ZNF224: variants seen among roughly 807,000 people sequenced by gnomAD.
ZNF224 encodes the protein zinc finger protein 224, also known as bone marrow zinc finger 2.
In ZNF224, 8 loss-of-function variants were observed where a neutral mutation model predicts 10.5. The observed-to-expected ratio is 0.76, with a 90% confidence interval of 0.45 to 1.37. ZNF224 has a LOEUF of 1.37. Ranked by LOEUF, ZNF224 falls within the 40% of genes most tolerant of loss-of-function variation. The pLI is 0.00. For missense variants in ZNF224, 754 were observed against 854.0 expected (o/e 0.88, Z 1.46); for synonymous variants, 282 against 287.8 (o/e 0.98, Z 0.20).
chr19:44,098,175 T>C (rs1967479186), intron 3 of ZNF224, among the ~76,000 whole-genome samples: 2 of 152,250 alleles, frequency 1.3e-5, no homozygotes, highest in South Asian at 2.1e-4. Flanking sequence ...TGTGATACTC[T>C]TCCTCATGTG....
At chr19:44,100,013 C>G (rs1023232609) in intron 3 of ZNF224, among the ~76,000 whole-genome samples, 2 of 152,092 alleles carry the variant, frequency 1.3e-5, no homozygotes, top group South Asian at 2.1e-4. Context: ...CCATGGAACA[C>G]TATGCAGACA....
At chr19:44,100,308 T>C (rs932347753) in intron 3 of ZNF224, among the ~76,000 whole-genome samples, 2 of 152,162 alleles carry the variant, frequency 1.3e-5, no homozygotes, top group African/African-American at 4.8e-5. Flanking sequence ...AGTTTTTGCC[T>C]GGAGAGTATA....
At chr19:44,103,548 T>C (rs1174635981) in intron 5 of ZNF224, among the ~76,000 whole-genome samples, 1 of 152,232 alleles carries the variant, frequency 6.6e-6, no homozygotes, top group East Asian at 1.9e-4. Context: ...TGTGATCATT[T>C]CTTTTCTAGT....
intron 3 of ZNF224, among the ~76,000 whole-genome samples, 192 bp downstream of exon 3, chr19:44,098,080 T>G (rs1967476966): frequency 6.6e-6 from 1 of 152,238 alleles, no homozygotes; most frequent in African/African-American, 2.4e-5. Context: ...TTCTATCATT[T>G]ATTCTATGGA....
chr19:44,099,891 C>CT (rs1442415155), intron 3 of ZNF224, among the ~76,000 whole-genome samples: 1 of 151,752 alleles, frequency 6.6e-6, no homozygotes, highest in Non-Finnish European at 1.5e-5. Flanking sequence ...TTATTTAAAA[C>CT]TTACTTTAAA....
intron 5 of ZNF224, among the ~76,000 whole-genome samples, chr19:44,102,244 A>T (rs941221631): frequency 7.2e-5 from 11 of 152,208 alleles, no homozygotes; most frequent in African/African-American, 2.4e-4. Flanking sequence ...TTTTAAAGTC[A>T]TGAGAGAAGC....
chr19:44,107,362 A>T lies in ZNF224; in HGVS notation c.1202A>T (p.Lys401Ile). Residue 401 changes from lysine (K) to isoleucine (I), a missense_variant, in exon 6 of 6, where the codon AAA becomes ATA. Physicochemically the swap from Lys to Ile is moderately radical, Grantham distance 102. Coordinates refer to ENST00000693561, the MANE Select transcript of ZNF224 (RefSeq NM_001321645.3). The stretch of plus-strand genomic sequence containing the variant: ...GTCCACAGTGGAGAAAAACCATTCA[A>T]ATGTGAAGAATGTGGGAAAGGATTT... ...QRVHSGEKPF[K>I]CEECGKGFYT... 6.3e-7 allele frequency: 1 copy of T among 1,596,424 alleles called. No homozygotes were observed.
rs143748113 is a variant in ZNF224 at position 44,102,336 on chromosome 19, T to C, written c.235+1111T>C. On this transcript the variant is annotated intron_variant, in intron 5 of 5. Coordinates refer to ENST00000693561, the MANE Select transcript of ZNF224 (RefSeq NM_001321645.3). The stretch of plus-strand genomic sequence containing the variant: ...TTGTACCAAGTCTCACATACTTCTG[T>C]TTATCTGTCACTTCTACATGCTGGA... 2.9e-4 allele frequency among the ~76,000 whole-genome samples: 44 copies of C among 152,362 alleles called. No individual in the cohort carries two copies. In the East Asian group the frequency reaches 3.1e-3, roughly 11 times the overall value.
chr19:44,094,521 G>C lies in ZNF224; in HGVS notation c.-167G>C, dbSNP rs1404169788. 2 of 152,434 alleles carry C rather than the reference G, an allele frequency of 1.3e-5. No individual in the cohort carries two copies. The highest frequency in any genetic ancestry group is 4.8e-5 in the African/African-American group (2 of 41,454). The allele number at this position is 152,434 out of a possible 1,614,324, so 9.4% of individuals were successfully genotyped here. A position where few individuals can be genotyped will look rare whatever the true frequency, so the allele number is the denominator to read the frequency against. On this transcript the variant is annotated 5_prime_UTR_variant, in exon 1 of 6. Coordinates refer to ENST00000693561, the MANE Select transcript of ZNF224 (RefSeq NM_001321645.3). ...AATTAGGGGAAAAGGGGCCTCGTCG[G>C]AGAGTAGAGGTTTGGAGGGGCAAGG...
rs1211758985 is a variant in ZNF224, at chr19:44,107,531, T to C, written c.1371T>C (p.Asn457=). ...QRVHTGEKLY[N]CKECGKSFSR... is the part of the protein sequence containing the mutation. ...TCCATACAGGAGAGAAACTGTATAA[T>C]TGTAAGGAATGTGGGAAGAGCTTTA... The change falls in exon 6 of 6, where the codon AAT becomes AAC. Residue 457 remains asparagine (N), a synonymous_variant. Transcript: ENST00000693561. The C allele has an allele frequency of 6.2e-7, 1 of 1,611,402 alleles. No individual in the cohort carries two copies. The highest frequency in any genetic ancestry group is 8.5e-7 in the Non-Finnish European group (1 of 1,178,998).
In ZNF224 at chr19:44,106,788, G is replaced by T; in HGVS notation, c.628G>T (p.Gly210Cys). The change falls in exon 6 of 6, where the codon GGT becomes TGT. Residue 210 changes from glycine (G) to cysteine (C), a missense_variant. Transcript: ENST00000693561. ...GEKCYKCDVCGKEFSQSSHLQ... is the reference protein window; with the variant it reads ...GEKCYKCDVCCKEFSQSSHLQ... Reference sequence around the variant, plus strand: ...GAAATGCTATAAGTGTGACGTGTGTGGTAAGGAATTCAGTCAGAGTTCACA... The same window carrying T: ...GAAATGCTATAAGTGTGACGTGTGTTGTAAGGAATTCAGTCAGAGTTCACA... 6.2e-7 allele frequency: 1 copy of T among 1,613,844 alleles called. No individual in the cohort carries two copies. Among genetic ancestry groups the T allele is most frequent in the South Asian group, 1.1e-5 (1 of 91,068 alleles).
rs753003212 is a variant in ZNF224 at position 44,107,841 on chromosome 19, C to T, written c.1681C>T (p.Leu561=). Residue 561 remains leucine (L), a synonymous_variant, in exon 6 of 6, where the codon CTG becomes TTG. Transcript: ENST00000693561. The part of the protein sequence containing the change: ...WASCLLKHQR[L]HSGEKPFKCE... ...CTCGTGTCTTTTGAAACATCAGAGA[C>T]TGCACAGTGGAGAAAAACCATTCAA... The T allele has an allele frequency of 1.2e-6, 2 of 1,601,928 alleles. No individual in the cohort carries two copies. The highest frequency in any genetic ancestry group is 1.1e-5 in the South Asian group (1 of 90,478).
In ZNF224 at chr19:44,108,025, C is replaced by T; in HGVS notation, c.1865C>T (p.Thr622Ile). 3 of 1,614,152 alleles carry T rather than the reference C, an allele frequency of 1.9e-6. No homozygotes were observed. The South Asian group carries it at 3.3e-5, about 18-fold the overall frequency. Residue 622 changes from threonine to isoleucine, a missense_variant, in exon 6 of 6, where the codon ACA (threonine) becomes ATA (isoleucine). Physicochemically the swap from Thr to Ile is moderately conservative, Grantham distance 89. Coordinates refer to ENST00000693561, the MANE Select transcript of ZNF224 (RefSeq NM_001321645.3). The part of the protein sequence containing the change: ...LTHQRRHSRE[T>I]PLKCEQHGKN... ...CATCAGAGACGCCACAGCAGAGAAA[C>T]ACCTCTCAAATGTGAGCAGCATGGG...
chr19:44,100,655 C>G, intron 3 of ZNF224, 146 bp from the exon 4 acceptor site: 1 of 1,029,906 alleles, frequency 9.7e-7, no homozygotes, highest in Non-Finnish European at 1.4e-6. Flanking sequence ...AGGATACAGA[C>G]AGAATGAGTA....
Position 44,096,516 on chromosome 19 carries a change from A to G in ZNF224, c.-69+85A>G, listed in dbSNP as rs534132583. ...GATTGTATACCAGATAATGTTATTTATTAAATATTAGATATCTATCCAAAG... is the reference window on the plus strand; with the variant it reads ...GATTGTATACCAGATAATGTTATTTGTTAAATATTAGATATCTATCCAAAG... On this transcript the variant is annotated intron_variant, in intron 2 of 5. Coordinates refer to ENST00000693561, the MANE Select transcript of ZNF224 (RefSeq NM_001321645.3). The G allele has an allele frequency of 3.3e-5, 5 of 152,372 alleles. No homozygotes were observed. In the East Asian group the frequency reaches 5.8e-4, roughly 18 times the overall value. The allele number at this position is 152,372 out of a possible 1,614,324, so 9.4% of individuals were successfully genotyped here.
intron 3 of ZNF224, among the ~76,000 whole-genome samples, chr19:44,098,458 G>A (rs551934170): frequency 6.6e-6 from 1 of 152,200 alleles, no homozygotes; most frequent in African/African-American, 2.4e-5. Flanking sequence ...ATTGCTGGAA[G>A]TTTCCACACA....
In ZNF224 at chr19:44,107,798, G is replaced by C. The variant is rs768203897; in HGVS notation, c.1638G>C (p.Gly546=). 7 of 1,601,616 alleles carry C rather than the reference G, an allele frequency of 4.4e-6. No homozygotes were observed. Among genetic ancestry groups the C allele is most frequent in the Non-Finnish European group, 1.7e-6 (2 of 1,172,544 alleles). The stretch of plus-strand genomic sequence containing the variant: ...GACCATACAATTGTAAGGAATGTGG[G>C]AAGAGTTTTGGCTGGGCCTCGTGTC... ...GERPYNCKEC[G]KSFGWASCLL... Residue 546 remains glycine (G), a synonymous_variant, in exon 6 of 6, where the codon GGG becomes GGC. Transcript: ENST00000693561.
At chr19:44,102,541 AAG>A (rs1241386749) in intron 5 of ZNF224, among the ~76,000 whole-genome samples, 1 of 152,236 alleles carries the variant, frequency 6.6e-6, no homozygotes, top group Non-Finnish European at 1.5e-5. Flanking sequence ...ACTACGGTGA[AAG>A]AGAGATATTG....
rs4239529 is a variant in ZNF224, at chr19:44,106,645, A to T, written c.485A>T (p.His162Leu). ...GYKPSFSDVS[H>L]FDFHQQLHSG... ...AAACCATCCTTCAGTGATGTCTCCCACTTTGATTTTCATCAACAATTACAC... is the reference window on the plus strand; with the variant it reads ...AAACCATCCTTCAGTGATGTCTCCCTCTTTGATTTTCATCAACAATTACAC... The change falls in exon 6 of 6, where the codon CAC becomes CTC. Residue 162 changes from histidine to leucine, a missense_variant. Coordinates refer to ENST00000693561, the MANE Select transcript of ZNF224 (RefSeq NM_001321645.3). 1,368,679 of 1,592,948 alleles carry T rather than the reference A, an allele frequency of 0.86. 590,659 individuals are homozygous for T. Among genetic ancestry groups the T allele is most frequent in the African/African-American group, 0.89 (66,281 of 74,572 alleles).
Sources: gnomAD v4.1 joint callset for allele counts (sites outside exome capture counted in the v4.1 genomes callset) on GRCh38, gnomAD v4.1.1 for gene constraint, MANE v1.5 for transcripts, NCBI Gene and HGNC (gene_info 2026-07-23, HGNC 2026-07-21) for gene names.